DDAH1: variants seen among roughly 807,000 people sequenced by gnomAD.
The protein encoded by DDAH1 is N(G),N(G)-dimethylarginine dimethylaminohydrolase 1.
DDAH1 carries 19 observed loss-of-function variants against 28.8 expected under a neutral mutation model. The observed-to-expected ratio is 0.66, with a 90% CI of 0.46 to 0.97. DDAH1 has a LOEUF of 0.97. DDAH1 is among the 50% of genes least tolerant of loss of function. DDAH1 has a pLI of 0.00. For missense variants in DDAH1, 326 were observed against 375.9 expected, an observed-to-expected ratio of 0.87 and a Z score of 1.10; for synonymous variants, 153 against 154.4, an observed-to-expected ratio of 0.99 and a Z score of 0.07.
intron 2 of DDAH1, among the ~76,000 whole-genome samples, chr1:85,486,940 T>C (rs1656226346): frequency 6.6e-6 from 1 of 152,178 alleles, no homozygotes; most frequent in African/African-American, 2.4e-5. Context: ...GATTTTACCC[T>C]GAAACTAATA....
chr1:85,464,939 T>A lies in DDAH1; in HGVS notation c.107A>T (p.Glu36Val). The change falls in exon 1 of 6, where the codon GAG becomes GTG. Residue 36 changes from glutamate (E) to valine (V), a missense_variant. Transcript: ENST00000284031. This position sits in a 1 kb window ranked among gnomAD's most constrained non-coding sequence, Gnocchi z 4.4. ...GQHALRSAKG[E>V]EVDVARAERQ... is the part of the protein sequence containing the mutation. ...TTCCGCGCGGGCGACGTCCACCTCC[T>A]CGCCCTTGGCGCTTCTCAGCGCGTG... The A allele has an allele frequency of 1.3e-6, 2 of 1,534,874 alleles. No homozygotes were observed.
chr1:85,443,656 T>G (rs1654303428), intron 1 of DDAH1, among the ~76,000 whole-genome samples: 1 of 152,238 alleles, frequency 6.6e-6, no homozygotes, highest in Non-Finnish European at 1.5e-5. Flanking sequence ...TTCCTATCCA[T>G]GAGCATGGAA....
intron 4 of DDAH1, among the ~76,000 whole-genome samples, chr1:85,326,007 G>A (rs1013162663): frequency 4.6e-5 from 7 of 152,330 alleles, no homozygotes; most frequent in Non-Finnish European, 1.0e-4. Flanking sequence ...GTATGGAAAT[G>A]TGCTTCATAT....
At chr1:85,472,104 C>T (rs917717184) in intron 2 of DDAH1, among the ~76,000 whole-genome samples, 1 of 152,198 alleles carries the variant, frequency 6.6e-6, no homozygotes. Context: ...AAAAATATTA[C>T]TCCAACTTTC....
chr1:85,360,303 T>C (rs1649719364), intron 1 of DDAH1, among the ~76,000 whole-genome samples: 1 of 152,142 alleles, frequency 6.6e-6, no homozygotes, highest in Non-Finnish European at 1.5e-5. Flanking sequence ...CTCAGAACAA[T>C]AAAAAATATT....
Position 85,484,563 on chromosome 1 carries a change from T to C in DDAH1, c.-7+11603A>G, listed in dbSNP as rs372272032. On this transcript the variant is annotated intron_variant, in intron 2 of 6. Transcript: ENST00000426972. ...TAAGGCTTGGTCCTCTGAGCTCTGC[T>C]AGTCCATCAAGACTAGCATGTGGAT... Among the ~76,000 whole-genome samples, 7 of 152,308 alleles carry C rather than the reference T, an allele frequency of 4.6e-5. No individual in the cohort carries two copies. In the East Asian group the frequency reaches 9.7e-4, roughly 21 times the overall value.
chr1:85,512,292 T>C (rs151135492), intron 1 of DDAH1, among the ~76,000 whole-genome samples: 1,882 of 152,210 alleles, frequency 0.012, 37 homozygotes, highest in African/African-American at 0.043. Flanking sequence ...TTTGACAAAA[T>C]TCAACAGCCC....
At chr1:85,538,486 G>A (rs1216563956) in intron 1 of DDAH1, among the ~76,000 whole-genome samples, 2 of 152,126 alleles carry the variant, frequency 1.3e-5, no homozygotes, top group African/African-American at 4.8e-5. Flanking sequence ...ACACCCGGGG[G>A]CCTACCTCAA....
intron 1 of DDAH1, among the ~76,000 whole-genome samples, chr1:85,408,687 G>A (rs1422195583): frequency 1.3e-5 from 2 of 152,080 alleles, no homozygotes; most frequent in Non-Finnish European, 2.9e-5. Context: ...TGGTCATATA[G>A]AACAAAACAG....
intron 1 of DDAH1, among the ~76,000 whole-genome samples, chr1:85,507,153 T>C (rs1048713029): frequency 1.3e-5 from 2 of 151,748 alleles, no homozygotes; most frequent in African/African-American, 4.9e-5. Flanking sequence ...TGTGTGTATA[T>C]ATTTTGAAAG....
intron 1 of DDAH1, among the ~76,000 whole-genome samples, chr1:85,442,212 T>C (rs981927696): frequency 9.2e-5 from 14 of 152,166 alleles, no homozygotes; most frequent in Non-Finnish European, 1.9e-4. Flanking sequence ...CAGTGTGTGA[T>C]GTTCTCCATC....
chr1:85,369,068 T>C (rs1221489133), intron 1 of DDAH1, among the ~76,000 whole-genome samples: 1 of 145,698 alleles, frequency 6.9e-6, no homozygotes, highest in Non-Finnish European at 1.5e-5. Flanking sequence ...TTTTTTTTTT[T>C]TTTTTTTTTT....
At chr1:85,400,930 C>G (rs1652072617) in intron 1 of DDAH1, among the ~76,000 whole-genome samples, 1 of 152,074 alleles carries the variant, frequency 6.6e-6, no homozygotes, top group Non-Finnish European at 1.5e-5. Flanking sequence ...GCCTTCTATC[C>G]CTTCTGCAGT....
intron 1 of DDAH1, among the ~76,000 whole-genome samples, chr1:85,364,444 G>A (rs79727624): frequency 0.017 from 2,618 of 152,088 alleles, 69 homozygotes; most frequent in East Asian, 0.12. Flanking sequence ...ACACCAACCT[G>A]TTTCACCAAG....
intron 1 of DDAH1, among the ~76,000 whole-genome samples, chr1:85,380,906 G>C (rs1443308234): frequency 6.6e-6 from 1 of 152,058 alleles, no homozygotes; most frequent in Non-Finnish European, 1.5e-5. Flanking sequence ...AAACACATCT[G>C]GCACTCTGGG....
At chr1:85,322,711 G>A (rs918714011) in intron 5 of DDAH1, among the ~76,000 whole-genome samples, 3 of 152,206 alleles carry the variant, frequency 2.0e-5, no homozygotes, top group African/African-American at 7.2e-5. Context: ...GACTGAATAA[G>A]ATAATACACC....
intron 1 of DDAH1, among the ~76,000 whole-genome samples, chr1:85,496,915 A>G (rs1025763041): frequency 2.2e-4 from 33 of 152,364 alleles, no homozygotes; most frequent in Non-Finnish European, 7.3e-5. Context: ...TAAAACTAAT[A>G]TAACACGTAC....
At chr1:85,384,342 C>T (rs1651146688) in intron 1 of DDAH1, among the ~76,000 whole-genome samples, 1 of 152,158 alleles carries the variant, frequency 6.6e-6, no homozygotes, top group African/African-American at 2.4e-5. Context: ...CAGTACTCTG[C>T]CCTGCAAATT....
rs549038329 is a variant in DDAH1, at chr1:85,507,184, CACACCTAAACATTA to C, written c.-122-10917_-122-10904del. 3.3e-5 allele frequency among the ~76,000 whole-genome samples: 5 copies of C among 152,214 alleles called. No homozygotes were observed. The East Asian group carries it at 9.6e-4, about 29-fold the overall frequency. ...GAAAGTTGTTGAAATCATTACACCTCACACCTAAACATTAACACCTAAATATACATCTTCTATAG... is the reference window on the plus strand; with the variant it reads ...GAAAGTTGTTGAAATCATTACACCTCACACCTAAATATACATCTTCTATAG... On this transcript the variant is annotated intron_variant, in intron 1 of 6. Transcript: ENST00000426972.
Sources: gnomAD v4.1 joint callset for allele counts (sites outside exome capture counted in the v4.1 genomes callset) on GRCh38, gnomAD v4.1.1 for gene constraint, Gnocchi (gnomAD v3.1) non-coding constraint, MANE v1.5 for transcripts, NCBI Gene and HGNC (gene_info 2026-07-23, HGNC 2026-07-21) for gene names.